The following PNKD variants were observed in gnomAD, a reference collection of about 807,000 sequenced individuals.
PNKD encodes probable thioesterase PNKD.
PNKD carries 36 observed loss-of-function variants against 45.3 expected under a neutral mutation model. That is an observed-to-expected ratio of 0.80 (90% CI 0.61 to 1.05). PNKD has a LOEUF of 1.05. Among genes scored for constraint, PNKD ranks in the 50% least tolerant of loss-of-function variants. PNKD has a pLI of 0.00. For synonymous variants in PNKD, 197 were observed against 210.1 expected (o/e 0.94, Z 0.54); for missense variants, 511 against 506.6 (o/e 1.01, Z -0.08).
Position 218,344,999 on chromosome 2 carries a change from GCCCAGCCCACT to G in PNKD, c.*22_*32del, listed in dbSNP as rs1260461581. The G allele has an allele frequency of 6.3e-7, 1 of 1,598,438 alleles. No homozygotes were observed. Among genetic ancestry groups the G allele is most frequent in the African/African-American group, 1.3e-5 (1 of 74,502 alleles). ...GCAAGTGATGCCCCCAGCGCCCCCAGCCCAGCCCACTCCCCGCATGGGGAGGCCGCCACCAC... is the reference window on the plus strand; with the variant it reads ...GCAAGTGATGCCCCCAGCGCCCCCAGCCCCGCATGGGGAGGCCGCCACCAC... On this transcript the variant is annotated 3_prime_UTR_variant, in exon 10 of 10. Transcript: ENST00000273077.
In PNKD at chr2:218,343,497, C is replaced by T. The variant is rs747327331; in HGVS notation, c.782-3C>T. ...TGTGACATACCCTCCAACCCCCACC[C>T]AGGGCGGACCTTTGAGGGCAATGCA... On this transcript the variant is annotated splice_polypyrimidine_tract_variant and splice_region_variant and intron_variant, in intron 7 of 9. Transcript: ENST00000273077. The T allele has an allele frequency of 1.9e-6, 3 of 1,612,358 alleles. No individual in the cohort carries two copies. The highest frequency in any genetic ancestry group is 2.5e-6 in the Non-Finnish European group (3 of 1,178,934).
chr2:218,309,416 C>CAAA (rs10553302), intron 2 of PNKD, among the ~76,000 whole-genome samples: 4 of 54,452 alleles, frequency 7.3e-5, no homozygotes, highest in East Asian at 1.0e-3. Context: ...GACTCCGCCT[C>CAAA]AAAAAAAAAA....
At chr2:218,318,679 C>G (rs1693887639) in intron 2 of PNKD, among the ~76,000 whole-genome samples, 1 of 152,218 alleles carries the variant, frequency 6.6e-6, no homozygotes, top group South Asian at 2.1e-4. Flanking sequence ...GTATTATTCA[C>G]ACCACTGGGA....
intron 6 of PNKD, 34 bp downstream of exon 6, chr2:218,341,660 C>T: frequency 3.5e-6 from 5 of 1,414,276 alleles, no homozygotes; most frequent in Non-Finnish European, 4.9e-6. Flanking sequence ...GATGGCCCTT[C>T]CATGGGCCCT....
In PNKD at chr2:218,340,745, A is replaced by G. The variant is rs1694648551; in HGVS notation, c.483A>G (p.Glu161=). Residue 161 remains glutamate, a synonymous_variant, in exon 5 of 10, where the codon GAA becomes GAG. Coordinates refer to ENST00000273077, the MANE Select transcript of PNKD (RefSeq NM_015488.5). The surrounding 1 kb of genome is among the most constrained non-coding windows in gnomAD (Gnocchi z 4.2). ...PRAVQASIEK[E]GVTLVAILCT... ...TCTCGCAGGCTTCCATTGAAAAGGA[A>G]GGGGTCACCTTGGTCGCCATTCTGT... 6.2e-7 allele frequency: 1 copy of G among 1,613,944 alleles called. No homozygotes were observed. The highest frequency in any genetic ancestry group is 2.2e-5 in the East Asian group (1 of 44,864).
chr2:218,313,845 T>C (rs1693683679), intron 2 of PNKD, among the ~76,000 whole-genome samples: 1 of 152,092 alleles, frequency 6.6e-6, no homozygotes, highest in South Asian at 2.1e-4. Context: ...GTTTTTAATA[T>C]TGGCATTTTG....
At chr2:218,284,864 G>A (rs1198862952) in intron 2 of PNKD, among the ~76,000 whole-genome samples, 1 of 152,248 alleles carries the variant, frequency 6.6e-6, no homozygotes, top group East Asian at 1.9e-4. Context: ...GCCGAGGCAG[G>A]TGGATCACCT....
intron 2 of PNKD, among the ~76,000 whole-genome samples, chr2:218,337,247 G>A (rs185339731): frequency 1.6e-4 from 24 of 152,174 alleles, no homozygotes; most frequent in Middle Eastern, 3.4e-3. Context: ...GCTAATTTTT[G>A]TAGTTTTAGT....
At chr2:218,278,044 AG>A (rs1205134720) in intron 2 of PNKD, 2 of 1,573,798 alleles carry the variant, frequency 1.3e-6, no homozygotes, top group East Asian at 2.3e-5. Flanking sequence ...CTACAGCAGA[AG>A]GAAGCGCTTG....
chr2:218,278,411 A>G, intron 2 of PNKD: 1 of 1,192,310 alleles, frequency 8.4e-7, no homozygotes, highest in South Asian at 1.2e-5. Flanking sequence ...CATTTCTTGT[A>G]AGTTTCCATT....
At chr2:218,337,870 C>T (rs754989018) in intron 2 of PNKD, among the ~76,000 whole-genome samples, 78 of 152,200 alleles carry the variant, frequency 5.1e-4, no homozygotes, top group African/African-American at 1.7e-3. Context: ...ATTTCAGGGT[C>T]GGGCACGGTG....
chr2:218,320,946 G>A (rs966254028), intron 2 of PNKD, among the ~76,000 whole-genome samples: 1 of 152,098 alleles, frequency 6.6e-6, no homozygotes, highest in Non-Finnish European at 1.5e-5. Flanking sequence ...CTAAGGGTGG[G>A]GTTATGGCTC....
intron 2 of PNKD, among the ~76,000 whole-genome samples, chr2:218,315,096 CCTTCCT>C (rs778242723): frequency 2.0e-4 from 12 of 61,018 alleles, no homozygotes; most frequent in Non-Finnish European, 3.6e-4. Context: ...CTCTCTCTCT[CCTTCCT>C]TCCTTCCTTC....
chr2:218,340,795 C>T lies in PNKD; in HGVS notation c.524+9C>T, dbSNP rs1248818470. On this transcript the variant is annotated intron_variant, in intron 5 of 9. Coordinates refer to ENST00000273077, the MANE Select transcript of PNKD (RefSeq NM_015488.5). The surrounding 1 kb of genome is among the most constrained non-coding windows in gnomAD (Gnocchi z 4.2). ...TGTACTCACAAGCACTGGTAAGGGGCTCCCGTCTTCCCTGGCCCACCCTTG... is the reference window on the plus strand; with the variant it reads ...TGTACTCACAAGCACTGGTAAGGGGTTCCCGTCTTCCCTGGCCCACCCTTG... 2.5e-6 allele frequency: 4 copies of T among 1,611,784 alleles called. No individual in the cohort carries two copies. In the African/African-American group the frequency reaches 4.0e-5, roughly 16 times the overall value.
intron 2 of PNKD, among the ~76,000 whole-genome samples, chr2:218,330,022 G>A (rs1353970633): frequency 0.029 from 2 of 68 alleles, no homozygotes; most frequent in African/African-American, 0.1. Flanking sequence ...AACAGTCCCC[G>A]GCCAGGCCCC....
chr2:218,324,710 G>A (rs1030397720), intron 2 of PNKD, among the ~76,000 whole-genome samples: 16 of 151,860 alleles, frequency 1.1e-4, no homozygotes. Context: ...TGAGGCAGGT[G>A]GCTCTCCTGA....
At chr2:218,329,846 T>C (rs1403285950) in intron 2 of PNKD, among the ~76,000 whole-genome samples, 1 of 152,230 alleles carries the variant, frequency 6.6e-6, no homozygotes, top group Non-Finnish European at 1.5e-5. Flanking sequence ...CTGAGGGGCC[T>C]CTAAGCAGAC....
intron 2 of PNKD, among the ~76,000 whole-genome samples, chr2:218,293,979 A>G (rs1285350642): frequency 1.3e-5 from 2 of 151,302 alleles, no homozygotes; most frequent in African/African-American, 4.9e-5. Flanking sequence ...CCCCCCATAC[A>G]CACACTATGT....
At chr2:218,313,903 C>CTTTTTTTTTTTTTT (rs10550174) in intron 2 of PNKD, among the ~76,000 whole-genome samples, 10 of 77,718 alleles carry the variant, frequency 1.3e-4, no homozygotes, top group Admixed American at 1.7e-4. Flanking sequence ...TTCTTTATTT[C>CTTTTTTTTTTTTTT]TTTTTTTTTT....
Sources: allele counts gnomAD v4.1 joint callset (sites outside exome capture counted in the v4.1 genomes callset), GRCh38; gene constraint gnomAD v4.1.1; non-coding constraint Gnocchi (gnomAD v3.1); transcripts MANE v1.5; gene names NCBI Gene and HGNC (gene_info 2026-07-23, HGNC 2026-07-21).